Variants in PPP2R3C observed in about 807,000 individuals in gnomAD.
PPP2R3C encodes the protein serine/threonine-protein phosphatase 2A regulatory subunit B'' subunit gamma.
PPP2R3C carries 47 observed loss-of-function variants against 63.7 expected under a neutral mutation model. The observed-to-expected ratio is 0.74, with a 90% CI of 0.58 to 0.94. PPP2R3C has a LOEUF of 0.94. PPP2R3C is among the 40% of genes least tolerant of loss of function. The pLI is 0.00. For synonymous variants in PPP2R3C, 180 were observed against 177.4 expected, an observed-to-expected ratio of 1.01 and a Z score of -0.12; for missense variants, 421 against 518.4, an observed-to-expected ratio of 0.81 and a Z score of 1.82.
intron 3 of PPP2R3C, 30 bp from the exon 4 acceptor site, chr14:35,109,961 G>A (rs780728981): frequency 6.1e-6 from 9 of 1,486,684 alleles, no homozygotes; most frequent in Non-Finnish European, 8.3e-6. Context: ...TGAAGATGTT[G>A]TAAGTTAAAA....
chr14:35,100,458 C>T (rs1273922134), intron 6 of PPP2R3C: 3 of 152,076 alleles, frequency 2.0e-5, no homozygotes, highest in East Asian at 1.9e-4. Context: ...TCTACAGTTC[C>T]GAATTCTGCA....
rs148033100 is a variant in PPP2R3C, at chr14:35,100,198, T to G, written c.574-814A>C. 4.3e-3 allele frequency: 657 copies of G among 152,350 alleles called. 5 individuals carry two copies. The highest frequency in any genetic ancestry group is 0.015 in the African/African-American group (637 of 41,580). 9.4% of individuals were successfully genotyped at this position (152,350 alleles called of 1,614,324 possible). Reference sequence around the variant, plus strand: ...TATCATTGCATAGATGTGCCATATTTAACTAGGCCTCTCTATTGGGACATT... The same window carrying G: ...TATCATTGCATAGATGTGCCATATTGAACTAGGCCTCTCTATTGGGACATT... On this transcript the variant is annotated intron_variant, in intron 6 of 12. Transcript: ENST00000261475.
At chr14:35,102,025 C>CTTTTTT in intron 6 of PPP2R3C, 1 of 138,986 alleles carries the variant, frequency 7.2e-6, no homozygotes, top group Non-Finnish European at 1.5e-5. Flanking sequence ...TGGTTTCTCT[C>CTTTTTT]TCTCTTTTTT....
intron 2 of PPP2R3C, among the ~76,000 whole-genome samples, chr14:35,111,619 A>T (rs905463330): frequency 6.6e-6 from 1 of 152,216 alleles, no homozygotes; most frequent in Non-Finnish European, 1.5e-5. Flanking sequence ...AAAAATTTGC[A>T]ACATCCTCAA....
intron 6 of PPP2R3C, among the ~76,000 whole-genome samples, chr14:35,106,725 T>C (rs1017558542): frequency 2.7e-5 from 4 of 147,132 alleles, no homozygotes; most frequent in Admixed American, 7.0e-5. Context: ...TGGAGTGCAA[T>C]GGCGCTATCT....
intron 6 of PPP2R3C, among the ~76,000 whole-genome samples, chr14:35,106,140 C>T (rs538976830): frequency 8.5e-5 from 13 of 152,082 alleles, no homozygotes; most frequent in Non-Finnish European, 1.2e-4. Context: ...CCACCACGCC[C>T]GGCATCCTTG....
chr14:35,097,482 CTTT>C (rs988302767), intron 7 of PPP2R3C, among the ~76,000 whole-genome samples: 12 of 133,746 alleles, frequency 9.0e-5, no homozygotes, highest in African/African-American at 1.6e-4. Flanking sequence ...TGTTCTTGTT[CTTT>C]TTTTTTTTTT....
chr14:35,092,207 T>G (rs988536254), intron 10 of PPP2R3C, among the ~76,000 whole-genome samples: 1 of 152,136 alleles, frequency 6.6e-6, no homozygotes, highest in African/African-American at 2.4e-5. Context: ...CAGCTGAGAC[T>G]ACAGGTACAC....
At chr14:35,106,946 T>C (rs1222283908) in intron 6 of PPP2R3C, among the ~76,000 whole-genome samples, 1 of 152,160 alleles carries the variant, frequency 6.6e-6, no homozygotes, top group African/African-American at 2.4e-5. Context: ...GGATTACAGG[T>C]GTGAGCTACC....
At chr14:35,107,571 A>C in intron 5 of PPP2R3C, 197 bp from the exon 6 acceptor site, 2 of 552,908 alleles carry the variant, frequency 3.6e-6, no homozygotes, top group Non-Finnish European at 6.6e-6. Context: ...CTATAATAAA[A>C]TTGACACCTT....
chr14:35,106,582 A>C (rs954098815), intron 6 of PPP2R3C: 1 of 150,480 alleles, frequency 6.6e-6, no homozygotes, highest in African/African-American at 2.5e-5. Context: ...ACCTCAGGTG[A>C]CCCGCCCACG....
chr14:35,092,551 C>T (rs537504840), intron 10 of PPP2R3C, among the ~76,000 whole-genome samples: 4 of 152,228 alleles, frequency 2.6e-5, no homozygotes, highest in African/African-American at 9.6e-5. Context: ...ACCACAACCT[C>T]TGCCTCCCAG....
intron 6 of PPP2R3C, among the ~76,000 whole-genome samples, chr14:35,104,288 C>T (rs1423486721): frequency 6.6e-6 from 1 of 152,100 alleles, no homozygotes; most frequent in East Asian, 1.9e-4. Context: ...TAGTGTGCCC[C>T]TGGAAAGGTT....
intron 6 of PPP2R3C, among the ~76,000 whole-genome samples, chr14:35,103,674 A>G (rs2046261905): frequency 6.6e-6 from 1 of 152,176 alleles, no homozygotes; most frequent in South Asian, 2.1e-4. Context: ...CTGGGCAAGA[A>G]AACAAAAAAA....
At chr14:35,107,202 G>GT in intron 6 of PPP2R3C, 102 bp downstream of exon 6, 1 of 851,790 alleles carries the variant, frequency 1.2e-6, no homozygotes, top group Non-Finnish European at 1.9e-6. Context: ...ATAAAACAAA[G>GT]TATTATGAGA....
At chr14:35,087,905 T>A (rs774866377) in intron 12 of PPP2R3C, 46 bp downstream of exon 12, 1 of 1,383,286 alleles carries the variant, frequency 7.2e-7, no homozygotes, top group Non-Finnish European at 1.0e-6. Context: ...TACAAATGAC[T>A]ATCTCATAAT....
At chr14:35,108,262 A>G (rs2046424077) in intron 4 of PPP2R3C, 26 bp from the exon 5 acceptor site, 3 of 1,549,800 alleles carry the variant, frequency 1.9e-6, no homozygotes, top group South Asian at 1.3e-5. Flanking sequence ...AAAGATTTAA[A>G]TGATCTGCCA....
At chr14:35,118,461 T>A (rs1341786491) in intron 1 of PPP2R3C, among the ~76,000 whole-genome samples, 1 of 152,138 alleles carries the variant, frequency 6.6e-6, no homozygotes, top group Non-Finnish European at 1.5e-5. Context: ...TATAATTTAC[T>A]TATTATTTTA....
rs117745563 is a variant in PPP2R3C, at chr14:35,093,386, T to C, written c.975+1662A>G. On this transcript the variant is annotated intron_variant, in intron 10 of 12. Coordinates refer to ENST00000261475, the MANE Select transcript of PPP2R3C (RefSeq NM_017917.4). ...GAGTTAAAGAATGCAGATTGTGATCTGACTTCATCCATAGTTGTAGCCTGA... is the reference window on the plus strand; with the variant it reads ...GAGTTAAAGAATGCAGATTGTGATCCGACTTCATCCATAGTTGTAGCCTGA... Among the ~76,000 whole-genome samples the C allele has an allele frequency of 2.4e-3, 360 of 152,286 alleles. 8 individuals carry two copies. The East Asian group carries it at 0.058, about 25-fold the overall frequency.
Sources: allele counts gnomAD v4.1 joint callset (sites outside exome capture counted in the v4.1 genomes callset), GRCh38; gene constraint gnomAD v4.1.1; transcripts MANE v1.5; gene names NCBI Gene and HGNC (gene_info 2026-07-23, HGNC 2026-07-21).